MOB3B: variants seen among roughly 807,000 people sequenced by gnomAD.
MOB3B encodes MOB kinase activator 3B.
Under a neutral mutation model 18.7 loss-of-function variants are expected in MOB3B, and 7 were observed. The ratio of observed to expected loss-of-function variants is 0.37; its 90% CI spans 0.21 to 0.70. The LOEUF (loss-of-function observed/expected upper bound fraction) is 0.70, where lower values mean the gene tolerates loss of function less well. Ranked by LOEUF, MOB3B falls within the 30% of genes least tolerant of loss-of-function variation. The pLI is 0.52. For missense variants in MOB3B, 253 were observed against 281.3 expected (o/e 0.90, Z 0.72); for synonymous variants, 111 against 99.9 (o/e 1.11, Z -0.66).
chr9:27,395,131 T>G (rs943482283), intron 2 of MOB3B, among the ~76,000 whole-genome samples: 2 of 152,242 alleles, frequency 1.3e-5, no homozygotes, highest in African/African-American at 4.8e-5. Context: ...TAAGTCGGGA[T>G]GTCTTGTTGT....
At chr9:27,470,128 A>AAAAAAG (rs398010539) in intron 1 of MOB3B, among the ~76,000 whole-genome samples, 1 of 139,520 alleles carries the variant, frequency 7.2e-6, no homozygotes, top group African/African-American at 2.8e-5. Context: ...AAAAAAAAAA[A>AAAAAAG]GAAAAGAAAA....
intron 3 of MOB3B, among the ~76,000 whole-genome samples, chr9:27,339,133 G>A (rs987868095): frequency 6.6e-5 from 10 of 152,196 alleles, no homozygotes; most frequent in Non-Finnish European, 4.4e-5. Flanking sequence ...TGCCCTCAAG[G>A]CCTTTTCTGC....
intron 2 of MOB3B, among the ~76,000 whole-genome samples, chr9:27,366,088 G>A (rs979810517): frequency 7.2e-5 from 11 of 152,258 alleles, no homozygotes; most frequent in Admixed American, 3.9e-4. Context: ...GGAGAGTGCA[G>A]GCCTGGAGTC....
In MOB3B at chr9:27,398,777, A is replaced by G. The variant is rs10967924; in HGVS notation, c.419-39541T>C. On this transcript the variant is annotated intron_variant, in intron 2 of 3. Transcript: ENST00000262244. ...TAGTTACATATAATCAAATACTGTG[A>G]TACCTTTTAAAAGTCACGTATAATC... Among the ~76,000 whole-genome samples, 152 of 152,340 alleles carry G rather than the reference A, an allele frequency of 1.0e-3. 1 individual carries two copies. In the East Asian group the frequency reaches 0.024, roughly 24 times the overall value.
intron 3 of MOB3B, among the ~76,000 whole-genome samples, chr9:27,333,845 C>T (rs904373919): frequency 1.3e-5 from 2 of 152,172 alleles, no homozygotes; most frequent in Non-Finnish European, 1.5e-5. Context: ...GAGGACCCAT[C>T]GCCCCCTGCT....
intron 1 of MOB3B, among the ~76,000 whole-genome samples, chr9:27,494,218 C>G (rs549115608): frequency 1.3e-5 from 2 of 152,110 alleles, no homozygotes; most frequent in African/African-American, 2.4e-5. Context: ...CAATGGTGCC[C>G]GAAACTTCAT....
At chr9:27,415,020 C>T (rs955930739) in intron 2 of MOB3B, among the ~76,000 whole-genome samples, 5 of 152,070 alleles carry the variant, frequency 3.3e-5, no homozygotes, top group Admixed American at 2.0e-4. Context: ...CACCACCATG[C>T]CTGGCTAATT....
At chr9:27,507,814 C>T (rs1051229089) in intron 1 of MOB3B, among the ~76,000 whole-genome samples, 1 of 152,192 alleles carries the variant, frequency 6.6e-6, no homozygotes, top group African/African-American at 2.4e-5. Context: ...CAAATAAAGT[C>T]ATGTTCTACA....
At chr9:27,403,536 T>A (rs1821918099) in intron 2 of MOB3B, among the ~76,000 whole-genome samples, 1 of 132,994 alleles carries the variant, frequency 7.5e-6, no homozygotes, top group Non-Finnish European at 1.6e-5. Context: ...TTTTTTTTTT[T>A]TTTTTTTTTT....
chr9:27,355,231 G>A (rs1417192989), intron 3 of MOB3B, among the ~76,000 whole-genome samples: 1 of 152,184 alleles, frequency 6.6e-6, no homozygotes, highest in African/African-American at 2.4e-5. Context: ...GTGTGGCTGT[G>A]CATGGTGGAG....
chr9:27,428,942 G>T (rs929935028), intron 2 of MOB3B, among the ~76,000 whole-genome samples: 2 of 152,180 alleles, frequency 1.3e-5, no homozygotes, highest in African/African-American at 4.8e-5. Context: ...CCACCTGGTG[G>T]AACAGGGACT....
chr9:27,408,292 T>C (rs1242563463), intron 2 of MOB3B, among the ~76,000 whole-genome samples: 1 of 152,156 alleles, frequency 6.6e-6, no homozygotes, highest in Non-Finnish European at 1.5e-5. Context: ...GCAGGGAAAT[T>C]GGGAGTGAAA....
At chr9:27,382,544 T>G (rs995176610) in intron 2 of MOB3B, among the ~76,000 whole-genome samples, 1 of 152,136 alleles carries the variant, frequency 6.6e-6, no homozygotes, top group Non-Finnish European at 1.5e-5. Flanking sequence ...CCGGGCATGT[T>G]GTGAGTTCCT....
intron 2 of MOB3B, among the ~76,000 whole-genome samples, chr9:27,438,342 G>A (rs528058080): frequency 2.6e-5 from 4 of 152,196 alleles, no homozygotes; most frequent in Non-Finnish European, 4.4e-5. Flanking sequence ...TGAAATTACC[G>A]TGCCCAGTCT....
At chr9:27,422,957 T>G (rs1475865817) in intron 2 of MOB3B, among the ~76,000 whole-genome samples, 1 of 152,182 alleles carries the variant, frequency 6.6e-6, no homozygotes, top group Non-Finnish European at 1.5e-5. Flanking sequence ...ATAGTCAATC[T>G]GGAAAGAAGG....
intron 2 of MOB3B, among the ~76,000 whole-genome samples, chr9:27,396,238 A>G (rs1174201336): frequency 6.6e-6 from 1 of 151,650 alleles, no homozygotes; most frequent in Non-Finnish European, 1.5e-5. Context: ...CAATTCTCTT[A>G]TTTTCTTGTT....
intron 2 of MOB3B, among the ~76,000 whole-genome samples, chr9:27,389,495 CTT>C (rs757026533): frequency 6.6e-6 from 1 of 152,146 alleles, no homozygotes; most frequent in African/African-American, 2.4e-5. Flanking sequence ...TCCCATCTCT[CTT>C]GAGATGCCTC....
chr9:27,342,917 C>T (rs1820971804), intron 3 of MOB3B, among the ~76,000 whole-genome samples: 1 of 147,778 alleles, frequency 6.8e-6, no homozygotes, highest in South Asian at 2.1e-4. Flanking sequence ...GCGTCTCTGC[C>T]TGGCCACCCA....
chr9:27,467,370 T>A (rs1819401315), intron 1 of MOB3B, among the ~76,000 whole-genome samples: 1 of 152,218 alleles, frequency 6.6e-6, no homozygotes, highest in African/African-American at 2.4e-5. Context: ...ATAATATAAG[T>A]AAAGATAGGT....
Sources: allele counts gnomAD v4.1 joint callset (sites outside exome capture counted in the v4.1 genomes callset), GRCh38; gene constraint gnomAD v4.1.1; transcripts MANE v1.5; gene names NCBI Gene and HGNC (gene_info 2026-07-23, HGNC 2026-07-21).